Variants in CDH8 observed in about 807,000 individuals in gnomAD.
The protein encoded by CDH8 is cadherin-8.
CDH8 carries 17 observed loss-of-function variants against 68.1 expected under a neutral mutation model. The ratio of observed to expected loss-of-function variants is 0.25; its 90% CI spans 0.17 to 0.37. CDH8 has a LOEUF of 0.37. CDH8 is among the 10% of genes least tolerant of loss of function. The probability of loss-of-function intolerance (pLI) is 1.00; values close to 1 mark genes in which losing one functional copy is unlikely to be tolerated. For missense variants in CDH8, 763 were observed against 999.3 expected (o/e 0.76, Z 3.19); for synonymous variants, 372 against 365.1 (o/e 1.02, Z -0.21).
Position 61,813,541 on chromosome 16 carries a change from C to T in CDH8, c.1277+3938G>A, listed in dbSNP as rs531055438. The stretch of plus-strand genomic sequence containing the variant: ...GGCCCAGGGCTGTGTCTGAGCATGT[C>T]TACATGCGCACTGGGGGAACAGGGT... On this transcript the variant is annotated intron_variant, in intron 7 of 11. Coordinates refer to ENST00000577390, the MANE Select transcript of CDH8 (RefSeq NM_001796.5). Among the ~76,000 whole-genome samples, 188 of 152,316 alleles carry T rather than the reference C, an allele frequency of 1.2e-3. 1 individual carries two copies. Among genetic ancestry groups the T allele is most frequent in the Non-Finnish European group, 2.0e-3 (139 of 68,030 alleles).
intron 10 of CDH8, among the ~76,000 whole-genome samples, chr16:61,700,303 C>T (rs1309821189): frequency 2.0e-5 from 3 of 146,638 alleles, no homozygotes; most frequent in African/African-American, 5.0e-5. Context: ...TCTTTTGAGA[C>T]GGCGTCTCAC....
intron 10 of CDH8, among the ~76,000 whole-genome samples, chr16:61,681,378 T>G (rs1428042345): frequency 6.6e-6 from 1 of 151,846 alleles, no homozygotes; most frequent in Admixed American, 6.6e-5. Context: ...AACCACAGCT[T>G]GAATGAGCCT....
chr16:61,937,379 G>A (rs781754328), intron 2 of CDH8, among the ~76,000 whole-genome samples: 4 of 152,066 alleles, frequency 2.6e-5, no homozygotes, highest in African/African-American at 9.7e-5. Context: ...TAGGAAAGAC[G>A]CAGGTTTCTG....
At chr16:61,917,064 T>A (rs1704373966) in intron 2 of CDH8, among the ~76,000 whole-genome samples, 1 of 27,474 alleles carries the variant, frequency 3.6e-5, no homozygotes. Flanking sequence ...TACCTATTAG[T>A]GTGTGTGTGT....
At chr16:61,736,065 C>T (rs1192256103) in intron 8 of CDH8, among the ~76,000 whole-genome samples, 1 of 139,168 alleles carries the variant, frequency 7.2e-6, no homozygotes, top group Admixed American at 7.5e-5. Flanking sequence ...GAGCAAGACT[C>T]CATCTCAAAG....
intron 10 of CDH8, among the ~76,000 whole-genome samples, chr16:61,687,731 C>T (rs59761455): frequency 0.14 from 20,504 of 151,868 alleles, 1,565 homozygotes; most frequent in African/African-American, 0.2. Context: ...CCACTAAGTG[C>T]CCTGGGCAAG....
chr16:61,812,879 G>A (rs1015490462), intron 7 of CDH8, among the ~76,000 whole-genome samples: 1 of 152,128 alleles, frequency 6.6e-6, no homozygotes, highest in African/African-American at 2.4e-5. Context: ...AGTACAGGAA[G>A]CTTATCCTTT....
intron 8 of CDH8, among the ~76,000 whole-genome samples, chr16:61,768,369 C>CTCTCTCTCTCTCTCTCTCT (rs1567461189): frequency 1.3e-4 from 3 of 23,542 alleles, no homozygotes; most frequent in Admixed American, 5.6e-4. Context: ...TCTCTCTCTC[C>CTCTCTCTCTCTCTCTCTCT]CTTTCTCTCT....
At chr16:61,757,886 TG>T (rs910005845) in intron 8 of CDH8, among the ~76,000 whole-genome samples, 51 of 152,306 alleles carry the variant, frequency 3.3e-4, no homozygotes, top group Admixed American at 1.2e-3. Context: ...TAAATGGTGA[TG>T]TTTTTTTCTG....
intron 7 of CDH8, among the ~76,000 whole-genome samples, chr16:61,799,885 G>C (rs1241318688): frequency 1.3e-5 from 2 of 152,130 alleles, no homozygotes; most frequent in African/African-American, 4.8e-5. Context: ...TGTTAAGCAA[G>C]ATATGGTCTA....
intron 9 of CDH8, among the ~76,000 whole-genome samples, chr16:61,722,562 G>T (rs1959231655): frequency 6.6e-6 from 1 of 150,752 alleles, no homozygotes; most frequent in African/African-American, 2.4e-5. Flanking sequence ...ATAAATAAAT[G>T]AGGAATTTTT....
In CDH8 at chr16:61,759,933, C is replaced by T. The variant is rs886853844; in HGVS notation, c.1414+29413G>A. 2.0e-5 allele frequency among the ~76,000 whole-genome samples: 3 copies of T among 152,090 alleles called. No individual in the cohort carries two copies. In the South Asian group the frequency reaches 6.2e-4, roughly 32 times the overall value. ...AGCTGCTTGGACCTTAAGAAAATGG[C>T]AGGTTTGACTCTCTATCACTCTTTG... is the stretch of plus-strand genomic sequence containing the variant. On this transcript the variant is annotated intron_variant, in intron 8 of 11. Transcript: ENST00000577390.
intron 2 of CDH8, among the ~76,000 whole-genome samples, chr16:61,999,815 G>A (rs1290859263): frequency 1.3e-5 from 2 of 151,574 alleles, no homozygotes; most frequent in East Asian, 3.9e-4. Flanking sequence ...TTTACTTTAA[G>A]TCCTGGGATA....
At chr16:61,783,529 G>A (rs920314581) in intron 8 of CDH8, among the ~76,000 whole-genome samples, 3 of 151,620 alleles carry the variant, frequency 2.0e-5, no homozygotes, top group Non-Finnish European at 4.4e-5. Context: ...TATTATCCAG[G>A]AGAACTTCCG....
chr16:61,912,373 CT>C, intron 2 of CDH8, among the ~76,000 whole-genome samples: 1 of 152,148 alleles, frequency 6.6e-6, no homozygotes. Context: ...AATAAACTGT[CT>C]CATTTAAAGC....
intron 8 of CDH8, among the ~76,000 whole-genome samples, chr16:61,766,690 A>C (rs569302088): frequency 9.2e-5 from 14 of 151,980 alleles, no homozygotes; most frequent in African/African-American, 2.7e-4. Flanking sequence ...CTTTTTAATA[A>C]TGACCATTCT....
intron 8 of CDH8, among the ~76,000 whole-genome samples, chr16:61,783,786 A>T (rs111921589): frequency 6.6e-6 from 1 of 152,110 alleles, no homozygotes; most frequent in African/African-American, 2.4e-5. Flanking sequence ...AATATTCAAC[A>T]TTCTTAAAGA....
At chr16:61,787,949 G>T (rs1417385689) in intron 8 of CDH8, among the ~76,000 whole-genome samples, 3 of 114,332 alleles carry the variant, frequency 2.6e-5, no homozygotes, top group Non-Finnish European at 5.2e-5. Context: ...GGTGGGGGGG[G>T]CGGGGGGAGG....
chr16:61,926,453 A>C (rs895455238), intron 2 of CDH8, among the ~76,000 whole-genome samples: 5 of 152,076 alleles, frequency 3.3e-5, no homozygotes, highest in Non-Finnish European at 7.3e-5. Flanking sequence ...TCAAATTAAC[A>C]CCCTGATCTG....
Sources: allele counts gnomAD v4.1 joint callset (sites outside exome capture counted in the v4.1 genomes callset), GRCh38; gene constraint gnomAD v4.1.1; transcripts MANE v1.5; gene names NCBI Gene and HGNC (gene_info 2026-07-23, HGNC 2026-07-21).